Variants in BNC2 observed in about 807,000 individuals in gnomAD.
BNC2 encodes the protein zinc finger protein basonuclin-2.
A neutral mutation model predicts 76.3 loss-of-function variants in BNC2; 20 were observed. The ratio of observed to expected loss-of-function variants is 0.26; its 90% CI spans 0.18 to 0.38. The LOEUF (loss-of-function observed/expected upper bound fraction) is 0.38, where lower values mean the gene tolerates loss of function less well. BNC2 is among the 10% of genes least tolerant of loss of function. The probability of loss-of-function intolerance (pLI) is 1.00; values close to 1 mark genes in which losing one functional copy is unlikely to be tolerated. For missense variants in BNC2, 1,382 were observed against 1,399.8 expected (o/e 0.99, Z 0.20); for synonymous variants, 582 against 514.8 (o/e 1.13, Z -1.77).
chr9:16,530,485 C>T (rs1468132353), intron 5 of BNC2, among the ~76,000 whole-genome samples: 2 of 152,126 alleles, frequency 1.3e-5, no homozygotes, highest in Non-Finnish European at 2.9e-5. Flanking sequence ...CATAAAAAAA[C>T]TGACAAGGCT....
chr9:16,758,719 A>G (rs1825466631), intron 1 of BNC2, among the ~76,000 whole-genome samples: 1 of 152,168 alleles, frequency 6.6e-6, no homozygotes, highest in South Asian at 2.1e-4. Flanking sequence ...ACCGCACAAG[A>G]CATACAAAAA....
intron 1 of BNC2, among the ~76,000 whole-genome samples, chr9:16,760,866 G>C (rs899000841): frequency 1.3e-5 from 2 of 152,086 alleles, no homozygotes; most frequent in African/African-American, 4.8e-5. Flanking sequence ...AATGAGTGCT[G>C]CAGCATTTCT....
intron 6 of BNC2, among the ~76,000 whole-genome samples, chr9:16,422,086 G>A (rs1219231076): frequency 6.6e-6 from 1 of 152,158 alleles, no homozygotes; most frequent in Non-Finnish European, 1.5e-5. Context: ...TCACCCAGAT[G>A]GACACATCTT....
intron 4 of BNC2, chr9:16,575,309 A>G (rs886322196): frequency 2.0e-6 from 2 of 985,374 alleles, no homozygotes; most frequent in Non-Finnish European, 2.4e-6. Flanking sequence ...TTCATTCTCA[A>G]CACCCTCCCA....
intron 3 of BNC2, among the ~76,000 whole-genome samples, chr9:16,711,083 A>G (rs1416377968): frequency 1.3e-5 from 2 of 151,566 alleles, no homozygotes; most frequent in African/African-American, 4.9e-5. Context: ...ACACGATTTG[A>G]GCAGGGCTTC....
chr9:16,504,225 G>C (rs1015119899), intron 5 of BNC2, among the ~76,000 whole-genome samples: 7 of 150,190 alleles, frequency 4.7e-5, no homozygotes, highest in South Asian at 2.1e-4. Flanking sequence ...AAAAAAAGTA[G>C]TTAGTCATAC....
At chr9:16,498,144 CAT>C (rs199701441) in intron 5 of BNC2, among the ~76,000 whole-genome samples, 1 of 126,486 alleles carries the variant, frequency 7.9e-6, no homozygotes, top group East Asian at 2.2e-4. Flanking sequence ...TATATTCTAT[CAT>C]ATATATTCCA....
intron 5 of BNC2, among the ~76,000 whole-genome samples, chr9:16,530,825 G>T (rs1354430722): frequency 2.6e-5 from 4 of 152,218 alleles, no homozygotes; most frequent in African/African-American, 4.8e-5. Context: ...GCAAGCCGAG[G>T]CATGAGGAGA....
chr9:16,512,904 G>GC (rs887085842), intron 5 of BNC2, among the ~76,000 whole-genome samples: 82 of 121,130 alleles, frequency 6.8e-4, no homozygotes, highest in African/African-American at 2.8e-3. Flanking sequence ...GGGAGGCTGA[G>GC]GGGGGAAGAT....
intron 1 of BNC2, among the ~76,000 whole-genome samples, chr9:16,845,425 CA>C (rs1289600379): frequency 2.6e-5 from 4 of 152,084 alleles, no homozygotes; most frequent in Non-Finnish European, 4.4e-5. Flanking sequence ...GTTGGGTTTT[CA>C]AAATAGGAAA....
chr9:16,833,808 G>C (rs1818638483), intron 1 of BNC2, among the ~76,000 whole-genome samples: 1 of 152,138 alleles, frequency 6.6e-6, no homozygotes, highest in South Asian at 2.1e-4. Context: ...ATTTAGAGTA[G>C]TAACTCTTGG....
intron 4 of BNC2, among the ~76,000 whole-genome samples, chr9:16,578,649 GA>G (rs5896695): frequency 0.096 from 13,877 of 144,130 alleles, 1,340 homozygotes; most frequent in African/African-American, 0.22. Context: ...AGGGTAAAAA[GA>G]AAAAAAAAAA....
chr9:16,462,408 A>G (rs2131255572), intron 5 of BNC2, among the ~76,000 whole-genome samples: 1 of 152,300 alleles, frequency 6.6e-6, no homozygotes, highest in Non-Finnish European at 1.5e-5. Context: ...TACCTTCTCC[A>G]AAGCTTGAAT....
At chr9:16,439,193 T>C (rs1206530178) in intron 5 of BNC2, among the ~76,000 whole-genome samples, 1 of 152,188 alleles carries the variant, frequency 6.6e-6, no homozygotes, top group Non-Finnish European at 1.5e-5. Context: ...ACTCTTTCCT[T>C]TATAAATTAC....
chr9:16,492,621 T>A (rs528741344), intron 5 of BNC2, among the ~76,000 whole-genome samples: 1 of 152,300 alleles, frequency 6.6e-6, no homozygotes, highest in South Asian at 2.1e-4. Context: ...TATGGTCCAC[T>A]GAGAAATCAT....
intron 1 of BNC2, among the ~76,000 whole-genome samples, chr9:16,859,755 C>T (rs1375362609): frequency 6.6e-6 from 1 of 152,166 alleles, no homozygotes; most frequent in East Asian, 1.9e-4. Context: ...TTCAGCTTTG[C>T]AGAATGAAAA....
intron 1 of BNC2, among the ~76,000 whole-genome samples, chr9:16,754,631 C>G (rs1454217502): frequency 1.3e-5 from 2 of 152,206 alleles, no homozygotes; most frequent in East Asian, 1.9e-4. Context: ...AATCTCGACT[C>G]ACTACAAGCT....
chr9:16,515,534 G>C (rs1166796204), intron 5 of BNC2, among the ~76,000 whole-genome samples: 1 of 151,956 alleles, frequency 6.6e-6, no homozygotes, highest in Admixed American at 6.6e-5. Context: ...TCACTCAGTT[G>C]GGATGGATCC....
At chr9:16,660,507 G>A (rs953407195) in intron 3 of BNC2, among the ~76,000 whole-genome samples, 7 of 151,794 alleles carry the variant, frequency 4.6e-5, no homozygotes, top group African/African-American at 1.7e-4. Flanking sequence ...GTTTATGTGT[G>A]CACCTCCTAC....
Sources: gnomAD v4.1 joint callset for allele counts (sites outside exome capture counted in the v4.1 genomes callset) on GRCh38, gnomAD v4.1.1 for gene constraint, MANE v1.5 for transcripts, NCBI Gene and HGNC (gene_info 2026-07-23, HGNC 2026-07-21) for gene names.